STAU2: variants seen among roughly 807,000 people sequenced by gnomAD.
The protein encoded by STAU2 is double-stranded RNA-binding protein Staufen homolog 2.
STAU2 carries 20 observed loss-of-function variants against 65.9 expected under a neutral mutation model. The ratio of observed to expected loss-of-function variants is 0.30; its 90% confidence interval spans 0.21 to 0.44. The LOEUF (loss-of-function observed/expected upper bound fraction) is 0.44. Among genes scored for constraint, STAU2 ranks in the 20% least tolerant of loss-of-function variants. STAU2 has a pLI of 1.00. For synonymous variants in STAU2, 232 were observed against 233.9 expected (o/e 0.99, Z 0.07); for missense variants, 558 against 683.9 (o/e 0.82, Z 2.05).
chr8:73,422,685 C>A lies in STAU2; in HGVS notation c.1548G>T (p.Leu516Phe). ...CCAGTCCTTGTTCAGAAAATTGTTT[C>A]AAGGCACTTAAGGCTGCCTAAAAAT... ...IQGFQAALSALKQFSEQGLDP... is the reference protein window; with the variant it reads ...IQGFQAALSAFKQFSEQGLDP... The change falls in exon 14 of 15, where the codon TTG becomes TTT. Residue 516 changes from leucine (L) to phenylalanine (F), a missense_variant. Leu to Phe is a conservative substitution (Grantham distance 22, BLOSUM62 0). This residue lies in a region of STAU2 where 247 missense variants were observed against 270.1 expected (regional missense o/e 0.91). Transcript: ENST00000524300. The A allele has an allele frequency of 6.7e-7, 1 of 1,503,598 alleles. No homozygotes were observed. Among genetic ancestry groups the A allele is most frequent in the Admixed American group, 2.3e-5 (1 of 43,770 alleles). The allele number at this position is 1,503,598 out of a possible 1,614,324, so 93.1% of individuals were successfully genotyped here.
chr8:73,424,155 GA>G, intron 13 of STAU2, among the ~76,000 whole-genome samples: 1 of 141,114 alleles, frequency 7.1e-6, no homozygotes, highest in African/African-American at 2.6e-5. Flanking sequence ...CACCTTTTCA[GA>G]TTGGCTTTTT....
intron 10 of STAU2, among the ~76,000 whole-genome samples, chr8:73,596,248 A>G (rs117753076): frequency 2.5e-3 from 380 of 152,318 alleles, no homozygotes; most frequent in East Asian, 0.023. Context: ...CCGGGGTAAT[A>G]CCAACTACTG....
At chr8:73,708,025 G>T (rs1318904844) in intron 4 of STAU2, among the ~76,000 whole-genome samples, 3 of 152,224 alleles carry the variant, frequency 2.0e-5, no homozygotes, top group Non-Finnish European at 2.9e-5. Flanking sequence ...ATTAAGGGCA[G>T]AATGAGTCAG....
chr8:73,571,072 C>CA (rs1039419488), intron 12 of STAU2, among the ~76,000 whole-genome samples: 2 of 151,256 alleles, frequency 1.3e-5, no homozygotes, highest in East Asian at 3.9e-4. Context: ...AAATGGGAAA[C>CA]AAAAAAAAGC....
chr8:73,654,064 TATTTTA>T (rs1448998082), intron 6 of STAU2, among the ~76,000 whole-genome samples: 3 of 152,336 alleles, frequency 2.0e-5, no homozygotes, highest in Middle Eastern at 3.4e-3. Context: ...CCAAATGAAA[TATTTTA>T]ATTTTAACTT....
At chr8:73,464,679 A>G (rs1819555202) in intron 13 of STAU2, among the ~76,000 whole-genome samples, 1 of 152,246 alleles carries the variant, frequency 6.6e-6, no homozygotes. Flanking sequence ...GTTTCAGGAA[A>G]TGCAAGGAAA....
intron 13 of STAU2, among the ~76,000 whole-genome samples, chr8:73,456,711 G>T (rs1285257679): frequency 6.6e-6 from 1 of 152,182 alleles, no homozygotes; most frequent in Non-Finnish European, 1.5e-5. Context: ...TACTGGAGCT[G>T]ATAACATTCT....
chr8:73,688,866 A>T (rs1819132983), intron 4 of STAU2, 53 bp from the exon 5 acceptor site: 1 of 1,583,182 alleles, frequency 6.3e-7, no homozygotes. Flanking sequence ...CCAAGAAATA[A>T]AATTGGCTGT....
chr8:73,733,211 A>G (rs946562794), intron 3 of STAU2, among the ~76,000 whole-genome samples: 1 of 152,018 alleles, frequency 6.6e-6, no homozygotes, highest in Non-Finnish European at 1.5e-5. Context: ...AACCTCACTA[A>G]AAAGAATCAC....
intron 10 of STAU2, among the ~76,000 whole-genome samples, chr8:73,601,873 T>C (rs974545515): frequency 2.0e-5 from 3 of 152,166 alleles, no homozygotes; most frequent in Admixed American, 2.0e-4. Context: ...ATTCAGGCGA[T>C]TTTTTTCTTC....
intron 3 of STAU2, chr8:73,732,724 C>T (rs1806153778): frequency 6.6e-6 from 1 of 152,134 alleles, no homozygotes; most frequent in Non-Finnish European, 1.5e-5. Context: ...TGGCAAGAAG[C>T]AGGAGGACCT....
At chr8:73,672,964 T>A in intron 6 of STAU2, 143 bp downstream of exon 6, 2 of 737,718 alleles carry the variant, frequency 2.7e-6, no homozygotes, top group Non-Finnish European at 1.9e-6. Context: ...TAAATATTCC[T>A]TGTGAACCTG....
At chr8:73,661,238 A>T (rs969504051) in intron 6 of STAU2, among the ~76,000 whole-genome samples, 3 of 152,190 alleles carry the variant, frequency 2.0e-5, no homozygotes, top group African/African-American at 7.2e-5. Context: ...TTATAATAAC[A>T]ATCAGTGCAC....
chr8:73,576,221 A>C (rs951166774), intron 12 of STAU2, among the ~76,000 whole-genome samples: 1 of 152,128 alleles, frequency 6.6e-6, no homozygotes, highest in African/African-American at 2.4e-5. Context: ...ATAATCACAA[A>C]ATCCTGAAAA....
At chr8:73,605,841 A>C (rs1403861490) in intron 9 of STAU2, among the ~76,000 whole-genome samples, 1 of 72,802 alleles carries the variant, frequency 1.4e-5, no homozygotes, top group African/African-American at 4.3e-5. Context: ...ACACATACAC[A>C]TACACACACA....
intron 6 of STAU2, among the ~76,000 whole-genome samples, chr8:73,656,357 T>A (rs1374911309): frequency 6.6e-6 from 1 of 152,228 alleles, no homozygotes; most frequent in African/African-American, 2.4e-5. Flanking sequence ...CCATCAGAAA[T>A]TATTTTTAAT....
chr8:73,436,823 G>A (rs1316176665), intron 13 of STAU2, among the ~76,000 whole-genome samples: 1 of 151,944 alleles, frequency 6.6e-6, no homozygotes, highest in Non-Finnish European at 1.5e-5. Flanking sequence ...CTGACCTCAG[G>A]TGATCTGCCC....
chr8:73,709,045 G>A lies in STAU2; in HGVS notation c.101C>T (p.Pro34Leu), dbSNP rs1385511499. The A allele has an allele frequency of 8.5e-6, 13 of 1,528,214 alleles. No homozygotes were observed. In the East Asian group the frequency reaches 3.0e-4, roughly 35 times the overall value. 94.7% of individuals were successfully genotyped at this position (1,528,214 alleles called of 1,614,324 possible). A position where few individuals can be genotyped will look rare whatever the true frequency, so the allele number is the denominator to read the frequency against. The part of the protein sequence containing the change: ...PQYKLLNERG[P>L]AHSKMFSVQL... ...TCATAACCTTACCTTTGAATGAGCAGGCCCTCTTTCATTCAGAAGTTTATA... is the reference window on the plus strand; with the variant it reads ...TCATAACCTTACCTTTGAATGAGCAAGCCCTCTTTCATTCAGAAGTTTATA... Residue 34 changes from proline (P) to leucine (L), a missense_variant, in exon 4 of 15, where the codon CCT (proline) becomes CTT (leucine). Pro to Leu is a moderately conservative substitution (Grantham distance 98). Around this residue, in one of 3 missense-constraint regions of STAU2, gnomAD observed 112 missense variants for 114.2 expected, o/e 0.98. Coordinates refer to ENST00000524300, the MANE Select transcript of STAU2 (RefSeq NM_001164380.2).
intron 4 of STAU2, among the ~76,000 whole-genome samples, chr8:73,706,325 C>T (rs1272416964): frequency 1.3e-5 from 2 of 152,028 alleles, no homozygotes; most frequent in Non-Finnish European, 2.9e-5. Flanking sequence ...CCATGTTGGC[C>T]AGGCTGTTCT....
Sources: gnomAD v4.1 joint callset for allele counts (sites outside exome capture counted in the v4.1 genomes callset) on GRCh38, gnomAD v4.1.1 for gene constraint, gnomAD v4.1.1 regional missense constraint, MANE v1.5 for transcripts, NCBI Gene and HGNC (gene_info 2026-07-23, HGNC 2026-07-21) for gene names.